The following ERCC6 variants were observed in gnomAD, a reference collection of about 807,000 sequenced individuals.
The protein encoded by ERCC6 is DNA excision repair protein ERCC-6.
In ERCC6, 116 loss-of-function variants were observed where a neutral mutation model predicts 158.7. The observed-to-expected ratio is 0.73, with a 90% CI of 0.63 to 0.85. The LOEUF (loss-of-function observed/expected upper bound fraction) is 0.85, where lower values mean the gene tolerates loss of function less well. Ranked by LOEUF, ERCC6 falls within the 40% of genes least tolerant of loss-of-function variation. The pLI is 0.00. For missense variants in ERCC6, 1,698 were observed against 1,799.4 expected (o/e 0.94, Z 1.02); for synonymous variants, 678 against 659.3 (o/e 1.03, Z -0.43).
In ERCC6 at chr10:49,458,865, T is replaced by C. The variant is rs1170994014; in HGVS notation, c.4432A>G (p.Arg1478Gly). The C allele has an allele frequency of 3.7e-6, 6 of 1,614,236 alleles. No individual in the cohort carries two copies. Among genetic ancestry groups the C allele is most frequent in the Non-Finnish European group, 5.1e-6 (6 of 1,180,040 alleles). ...CAAATTCCTTCACCACCAGAAGTTC[T>C]ATGGAAAGTGCACAGATTTCTCAAT... is the stretch of plus-strand genomic sequence containing the variant. Reference protein sequence around the residue: ...ELLRNLCTFHRTSGGEGIWKL... With the variant: ...ELLRNLCTFHGTSGGEGIWKL... The change falls in exon 21 of 21, where the codon AGA becomes GGA. Residue 1478 changes from arginine (R) to glycine (G), a missense_variant. Arg to Gly is a moderately radical substitution (Grantham distance 125). Transcript: ENST00000355832.
intron 9 of ERCC6, 92 bp downstream of exon 9, chr10:49,483,253 GA>G: frequency 2.3e-6 from 3 of 1,312,320 alleles, no homozygotes; most frequent in Non-Finnish European, 3.3e-6. Flanking sequence ...CACAAGGAAA[GA>G]TTCAATAAAT....
Position 49,532,792 on chromosome 10 carries a change from GCA to G in ERCC6, c.171_172del (p.Ala58CysfsTer28). 6.2e-7 allele frequency: 1 copy of G among 1,614,204 alleles called. No individual in the cohort carries two copies. Among genetic ancestry groups the G allele is most frequent in the Non-Finnish European group, 8.5e-7 (1 of 1,180,040 alleles). On this transcript the variant is annotated frameshift_variant, in exon 2 of 21. Coordinates refer to ENST00000355832, the MANE Select transcript of ERCC6 (RefSeq NM_000124.4). LOFTEE classifies it high-confidence loss of function. ...CGGAGCTGCTGATGCGCACCCCACA[GCA>G]GAGGTGGACAGCCCGTCACCCACAG...
At chr10:49,473,082 C>T in intron 14 of ERCC6, 54 bp from the exon 15 acceptor site, 1 of 1,612,670 alleles carries the variant, frequency 6.2e-7, no homozygotes, top group Non-Finnish European at 8.5e-7. Context: ...AGTTACAGTT[C>T]TCAGCCTCTG....
intron 16 of ERCC6, 109 bp downstream of exon 16, chr10:49,472,267 G>C: frequency 1.0e-6 from 1 of 967,810 alleles, no homozygotes. Context: ...TTAAGTTATA[G>C]CAACTATTAT....
intron 6 of ERCC6, chr10:49,502,101 T>C (rs1474097960): frequency 6.6e-6 from 1 of 152,192 alleles, no homozygotes; most frequent in Non-Finnish European, 1.5e-5. Flanking sequence ...CCTATAGGTA[T>C]GTCTACCTAA....
chr10:49,446,115 G>GA, the ERCC6 span, among the ~76,000 whole-genome samples: 421 of 152,156 alleles, frequency 2.8e-3, 1 homozygote, highest in Non-Finnish European at 4.4e-3. Context: ...GAAATTAACA[G>GA]AAAAAATTGG....
At chr10:49,500,792 G>A (rs1590436083) in intron 6 of ERCC6, 96 bp from the exon 7 acceptor site, 1 of 1,301,772 alleles carries the variant, frequency 7.7e-7, no homozygotes, top group Non-Finnish European at 1.1e-6. Flanking sequence ...CATTTGGCTA[G>A]GTTCTAGTAC....
chr10:49,498,872 G>A (rs1851308907), intron 7 of ERCC6, among the ~76,000 whole-genome samples: 1 of 152,114 alleles, frequency 6.6e-6, no homozygotes, highest in African/African-American at 2.4e-5. Context: ...AAATGAAATG[G>A]GAAATAAGAA....
Position 49,460,440 on chromosome 10 carries a change from C to T in ERCC6, c.3995G>A (p.Gly1332Asp). The T allele has an allele frequency of 6.2e-7, 1 of 1,611,766 alleles. No homozygotes were observed. The highest frequency in any genetic ancestry group is 1.7e-5 in the Admixed American group (1 of 60,020). Reference sequence around the variant, plus strand: ...AGAGAAGTTAGAATTCCTTTTCTTACCAAATCTACTCCTAAAAAAGGAAAA... The same window carrying T: ...AGAGAAGTTAGAATTCCTTTTCTTATCAAATCTACTCCTAAAAAAGGAAAA... Reference protein sequence around the residue: ...GAPAGKKSRFGKKRNSNFSVQ... With the variant: ...GAPAGKKSRFDKKRNSNFSVQ... Residue 1332 changes from glycine (G) to aspartate (D), a missense_variant, in exon 20 of 21, where the codon GGT becomes GAT. Transcript: ENST00000355832.
chr10:49,444,485 T>A, the ERCC6 span, among the ~76,000 whole-genome samples: 1 of 152,174 alleles, frequency 6.6e-6, no homozygotes, highest in Non-Finnish European at 1.5e-5. Flanking sequence ...ATATCCTATA[T>A]TTTAGGAGAG....
intron 5 of ERCC6, chr10:49,506,560 T>C (rs1851447071): frequency 6.4e-6 from 1 of 156,010 alleles, no homozygotes; most frequent in Non-Finnish European, 1.4e-5. Context: ...GCATCAGCAA[T>C]ATACAAGCAC....
At chr10:49,527,585 G>A (rs549856731) in intron 4 of ERCC6, among the ~76,000 whole-genome samples, 1 of 152,348 alleles carries the variant, frequency 6.6e-6, no homozygotes, top group African/African-American at 2.4e-5. Flanking sequence ...TGAGGCAGGA[G>A]AATCGCTTGA....
intron 6 of ERCC6, chr10:49,505,309 C>A (rs1480817353): frequency 6.5e-6 from 1 of 152,760 alleles, no homozygotes; most frequent in East Asian, 1.9e-4. Flanking sequence ...ACACATGAAA[C>A]CTGGCTTCAA....
chr10:49,515,475 C>T lies in ERCC6; in HGVS notation c.1397+8558G>A, dbSNP rs745500415. The T allele has an allele frequency of 3.7e-6, 6 of 1,614,142 alleles. No individual in the cohort carries two copies. The highest frequency in any genetic ancestry group is 5.1e-6 in the Non-Finnish European group (6 of 1,180,008). Reference sequence around the variant, plus strand: ...TATCACATGATTTATGCCATCATAACGTGAGTCAATGTTACGCTTCTGAGG... The same window carrying T: ...TATCACATGATTTATGCCATCATAATGTGAGTCAATGTTACGCTTCTGAGG... On this transcript the variant is annotated intron_variant, in intron 5 of 20. Coordinates refer to ENST00000355832, the MANE Select transcript of ERCC6 (RefSeq NM_000124.4).
In ERCC6 at chr10:49,532,800, G is replaced by A. The variant is rs1201935377; in HGVS notation, c.165C>T (p.Ser55=). The change falls in exon 2 of 21, where the codon TCC becomes TCT. Residue 55 remains serine (S), a synonymous_variant. Coordinates refer to ENST00000355832, the MANE Select transcript of ERCC6 (RefSeq NM_000124.4). The part of the protein sequence containing the change: ...LSFRSVGDGL[S]TSAVGCASAA... ...CTGATGCGCACCCCACAGCAGAGGT[G>A]GACAGCCCGTCACCCACAGAACGAA... is the stretch of plus-strand genomic sequence containing the variant. 4.3e-6 allele frequency: 7 copies of A among 1,614,170 alleles called. No individual in the cohort carries two copies. The highest frequency in any genetic ancestry group is 5.1e-6 in the Non-Finnish European group (6 of 1,180,032).
chr10:49,470,743 AT>A lies in ERCC6; in HGVS notation c.3216del (p.Lys1072AsnfsTer9). 1 of 1,614,154 alleles carries A rather than the reference AT, an allele frequency of 6.2e-7. No individual in the cohort carries two copies. Among genetic ancestry groups the A allele is most frequent in the Non-Finnish European group, 8.5e-7 (1 of 1,180,030 alleles). On this transcript the variant is annotated frameshift_variant, in exon 18 of 21. Coordinates refer to ENST00000355832, the MANE Select transcript of ERCC6 (RefSeq NM_000124.4). LOFTEE classifies it high-confidence loss of function. ...TTTACTTCAGCTCCTTTAGCCTCAG[AT>A]TTCTCTTCAGATGATGTGGCATCAT... ...SVNDATSSEEKSEAKGAEVNA... is the reference protein window; with the variant it reads ...SVNDATSSEEXSEAKGAEVNA...
chr10:49,477,454 TC>T (rs1352950656), intron 11 of ERCC6, among the ~76,000 whole-genome samples: 1 of 151,944 alleles, frequency 6.6e-6, no homozygotes, highest in Admixed American at 6.5e-5. Context: ...CACCTCCACT[TC>T]CTCACCTCCA....
In ERCC6 at chr10:49,458,942, T is replaced by G. The variant is rs756484672; in HGVS notation, c.4355A>C (p.Gln1452Pro). 1 of 1,614,208 alleles carries G rather than the reference T, an allele frequency of 6.2e-7. No homozygotes were observed. Among genetic ancestry groups the G allele is most frequent in the Non-Finnish European group, 8.5e-7 (1 of 1,180,036 alleles). ...DGQASTREIL[Q>P]EFESKLSASQ... is the part of the protein sequence containing the mutation. ...TGCAGATAACTTGGATTCAAACTCC[T>G]GCAGTATCTCCCTGGTGCTGGCCTG... is the stretch of plus-strand genomic sequence containing the variant. Residue 1452 changes from glutamine (Q) to proline (P), a missense_variant, in exon 21 of 21, where the codon CAG becomes CCG. Transcript: ENST00000355832.
At position 49,527,343 on chromosome 10, in the gene ERCC6, A is replaced by G. The variant is rs993884991; in HGVS notation, c.652+1074T>C. 8.5e-5 allele frequency among the ~76,000 whole-genome samples: 13 copies of G among 152,352 alleles called. 1 individual carries two copies. The highest frequency in any genetic ancestry group is 8.5e-4 in the Admixed American group (13 of 15,308). On this transcript the variant is annotated intron_variant, in intron 4 of 20. Coordinates refer to ENST00000355832, the MANE Select transcript of ERCC6 (RefSeq NM_000124.4). ...TACACAGCAGTTAAAAGCACTGGTC[A>G]TAGGCCTAATGAATTCTGAGAGGCT...
Sources: allele counts gnomAD v4.1 joint callset (sites outside exome capture counted in the v4.1 genomes callset), GRCh38; gene constraint gnomAD v4.1.1; transcripts MANE v1.5; gene names NCBI Gene and HGNC (gene_info 2026-07-23, HGNC 2026-07-21).